Variants in B3GALT1 observed in about 807,000 individuals in gnomAD.
B3GALT1 encodes the protein beta-1,3-galactosyltransferase 1.
A neutral mutation model predicts 23.2 loss-of-function variants in B3GALT1; 10 were observed. That is an observed-to-expected ratio of 0.43 (90% CI 0.27 to 0.73). The LOEUF is 0.73. B3GALT1 is among the 30% of genes least tolerant of loss of function. B3GALT1 has a pLI of 0.21. For missense variants in B3GALT1, 299 were observed against 405.4 expected (o/e 0.74, Z 2.25); for synonymous variants, 156 against 141.5 (o/e 1.10, Z -0.73).
At chr2:167,550,923 T>C (rs1290584615) in intron 2 of B3GALT1, among the ~76,000 whole-genome samples, 1 of 152,060 alleles carries the variant, frequency 6.6e-6, no homozygotes, top group African/African-American at 2.4e-5. Flanking sequence ...CCAGGGAGGG[T>C]TGGCATGGCT....
At chr2:167,690,936 T>C (rs1351660892) in intron 3 of B3GALT1, among the ~76,000 whole-genome samples, 2 of 152,254 alleles carry the variant, frequency 1.3e-5, no homozygotes, top group Non-Finnish European at 2.9e-5. Flanking sequence ...TTTTTAACTC[T>C]CTGGCTGAAT....
intron 1 of B3GALT1, among the ~76,000 whole-genome samples, chr2:167,325,006 CATA>C (rs1423161763): frequency 6.6e-6 from 1 of 152,074 alleles, no homozygotes; most frequent in African/African-American, 2.4e-5. Context: ...TTTCACTTAA[CATA>C]ATAATCTCTA....
Position 167,869,266 on chromosome 2 carries a change from A to C in B3GALT1, c.227A>C (p.Asn76Thr), listed in dbSNP as rs145466790. ...LINEPNKCEKNIPFLVILIST... is the reference protein window; with the variant it reads ...LINEPNKCEKTIPFLVILIST... ...AACGAGCCCAATAAATGTGAGAAAAACATTCCTTTTCTTGTTATCCTCATC... is the reference window on the plus strand; with the variant it reads ...AACGAGCCCAATAAATGTGAGAAAACCATTCCTTTTCTTGTTATCCTCATC... The change falls in exon 5 of 5, where the codon AAC (asparagine) becomes ACC (threonine). Residue 76 changes from asparagine to threonine, a missense_variant. Physicochemically the swap from Asn to Thr is moderately conservative, Grantham distance 65 (BLOSUM62 0). Around this residue, in one of 3 missense-constraint regions of B3GALT1, gnomAD observed 162 missense variants for 184.1 expected, o/e 0.88. Coordinates refer to ENST00000392690, the MANE Select transcript of B3GALT1 (RefSeq NM_020981.4). This position sits in a 1 kb window ranked among gnomAD's most constrained non-coding sequence, Gnocchi z 6.4. 4.7e-5 allele frequency: 76 copies of C among 1,614,168 alleles called. 2 individuals are homozygous for C. In the South Asian group the frequency reaches 8.0e-4, roughly 17 times the overall value.
intron 3 of B3GALT1, among the ~76,000 whole-genome samples, chr2:167,682,768 T>C (rs182939556): frequency 6.6e-6 from 1 of 152,346 alleles, no homozygotes; most frequent in Admixed American, 6.5e-5. Context: ...TCCTTGCAGA[T>C]AGGAATCTAT....
At chr2:167,733,343 T>C (rs561610765) in intron 3 of B3GALT1, among the ~76,000 whole-genome samples, 1 of 152,314 alleles carries the variant, frequency 6.6e-6, no homozygotes, top group Non-Finnish European at 1.5e-5. Context: ...GCAGGCCTCA[T>C]GCAGGTCAGG....
intron 2 of B3GALT1, among the ~76,000 whole-genome samples, chr2:167,512,564 ATATG>A (rs1424642549): frequency 4.1e-4 from 37 of 89,982 alleles, no homozygotes; most frequent in East Asian, 3.4e-3. Context: ...ATGTATATAT[ATATG>A]TATATATATA....
At chr2:167,604,688 C>T (rs1574163225) in intron 2 of B3GALT1, among the ~76,000 whole-genome samples, 1 of 152,054 alleles carries the variant, frequency 6.6e-6, no homozygotes, top group Non-Finnish European at 1.5e-5. Context: ...GGTTGGGAAG[C>T]ATCAGTGATC....
At chr2:167,518,576 G>C (rs1700136975) in intron 2 of B3GALT1, among the ~76,000 whole-genome samples, 1 of 152,162 alleles carries the variant, frequency 6.6e-6, no homozygotes, top group Non-Finnish European at 1.5e-5. Context: ...GCATGCAATA[G>C]CTGATATCAG....
At chr2:167,837,416 AAAAGAGAC>A (rs1319238235) in intron 4 of B3GALT1, among the ~76,000 whole-genome samples, 2 of 151,744 alleles carry the variant, frequency 1.3e-5, no homozygotes, top group Non-Finnish European at 2.9e-5. Context: ...AACAAAGATC[AAAAGAGAC>A]AAAGAAGGCC....
intron 1 of B3GALT1, among the ~76,000 whole-genome samples, chr2:167,428,843 A>G (rs1443278241): frequency 6.6e-6 from 1 of 152,186 alleles, no homozygotes; most frequent in East Asian, 1.9e-4. Context: ...ACTGTTGAGA[A>G]TCAGGCTATT....
chr2:167,472,035 T>TA (rs1699424881), intron 1 of B3GALT1, among the ~76,000 whole-genome samples: 2 of 152,212 alleles, frequency 1.3e-5, no homozygotes, highest in South Asian at 2.1e-4. Context: ...TGGTTCCTCT[T>TA]ACAGTTTTGC....
chr2:167,644,979 AG>A (rs1172195978), intron 2 of B3GALT1, among the ~76,000 whole-genome samples: 2 of 152,060 alleles, frequency 1.3e-5, no homozygotes, highest in Non-Finnish European at 2.9e-5. Flanking sequence ...TACTGGAAAA[AG>A]TCTGAAACTT....
At chr2:167,461,648 A>T (rs539427174) in intron 1 of B3GALT1, among the ~76,000 whole-genome samples, 1 of 152,182 alleles carries the variant, frequency 6.6e-6, no homozygotes, top group Non-Finnish European at 1.5e-5. Context: ...TTTCAAAAGC[A>T]TTATGTTTAG....
At chr2:167,431,522 A>G (rs1034435503) in intron 1 of B3GALT1, among the ~76,000 whole-genome samples, 2 of 152,212 alleles carry the variant, frequency 1.3e-5, no homozygotes, top group African/African-American at 4.8e-5. Flanking sequence ...TATCTCCCCC[A>G]AATAGATATG....
At chr2:167,823,610 T>A (rs1379143851) in intron 4 of B3GALT1, among the ~76,000 whole-genome samples, 1 of 152,242 alleles carries the variant, frequency 6.6e-6, no homozygotes, top group Non-Finnish European at 1.5e-5. Context: ...TCATTTCTCA[T>A]TTGAATATTC....
chr2:167,583,959 A>G (rs1684535836), intron 2 of B3GALT1, among the ~76,000 whole-genome samples: 1 of 151,020 alleles, frequency 6.6e-6, no homozygotes, highest in Admixed American at 6.6e-5. Context: ...GTCTAGACAT[A>G]TATACCAAAT....
intron 1 of B3GALT1, among the ~76,000 whole-genome samples, chr2:167,439,610 T>G (rs1362125307): frequency 6.6e-6 from 1 of 152,104 alleles, no homozygotes; most frequent in East Asian, 1.9e-4. Context: ...ATGTGCAGGT[T>G]AGTTACATAT....
chr2:167,521,984 G>GTATA (rs550521896), intron 2 of B3GALT1, among the ~76,000 whole-genome samples: 1,328 of 122,588 alleles, frequency 0.011, 21 homozygotes, highest in African/African-American at 0.037. Flanking sequence ...GTGTGTGTGT[G>GTATA]TATATATATA....
At chr2:167,381,719 T>C (rs553275739) in intron 1 of B3GALT1, among the ~76,000 whole-genome samples, 1 of 152,366 alleles carries the variant, frequency 6.6e-6, no homozygotes, top group East Asian at 1.9e-4. Context: ...TTTATGAAGA[T>C]ATGTTAGTTA....
Sources: allele counts gnomAD v4.1 joint callset (sites outside exome capture counted in the v4.1 genomes callset), GRCh38; gene constraint gnomAD v4.1.1; regional missense constraint gnomAD v4.1.1; non-coding constraint Gnocchi (gnomAD v3.1); transcripts MANE v1.5; gene names NCBI Gene and HGNC (gene_info 2026-07-23, HGNC 2026-07-21).